The following GSE1 variants were observed in gnomAD, a reference collection of about 807,000 sequenced individuals.
GSE1 encodes the protein Gse1 coiled-coil protein, also known as genetic suppressor element 1.
GSE1 carries 32 observed loss-of-function variants against 112.6 expected under a neutral mutation model. The ratio of observed to expected loss-of-function variants is 0.28; its 90% CI spans 0.21 to 0.38. The LOEUF is 0.38. GSE1 is among the 10% of genes least tolerant of loss of function. The pLI is 1.00. For synonymous variants in GSE1, 1,115 were observed against 735.6 expected, an observed-to-expected ratio of 1.52 and a Z score of -8.35; for missense variants, 2,348 against 1,699.2, an observed-to-expected ratio of 1.38 and a Z score of -6.71.
chr16:85,606,883 C>T (rs954784788), upstream of GSE1, among the ~76,000 whole-genome samples: 9 of 152,336 alleles, frequency 5.9e-5, no homozygotes, highest in African/African-American at 1.7e-4. Flanking sequence ...ATCAAGGGTC[C>T]GAGCGCTGCT....
intron 2 of GSE1, among the ~76,000 whole-genome samples, chr16:85,360,771 C>T (rs1414829721): frequency 6.6e-6 from 1 of 151,950 alleles, no homozygotes; most frequent in Non-Finnish European, 1.5e-5. Flanking sequence ...CGGGTGCACG[C>T]GTAAGTCAGA....
intron 2 of GSE1, among the ~76,000 whole-genome samples, chr16:85,638,402 C>A (rs1360594091): frequency 3.3e-5 from 5 of 152,220 alleles, no homozygotes. Flanking sequence ...AACCTACTCA[C>A]CTACTCACTG....
exon 1 of GSE1, chr16:85,170,871 G>T (rs990891358): frequency 3.1e-5 from 31 of 985,434 alleles, no homozygotes; most frequent in Non-Finnish European, 3.7e-5. Context: ...GACTCTATGT[G>T]GTGCCCCTGG....
In GSE1 at chr16:85,647,601, G is replaced by A. The variant is rs553305216; in HGVS notation, c.227-951G>A. On this transcript the variant is annotated intron_variant, in intron 2 of 15. Coordinates refer to ENST00000253458, the MANE Select transcript of GSE1 (RefSeq NM_014615.5). ...AGGGGTGCTGACCACTTCTTTTTTT[G>A]TTTTGAGACGAAGTCTCGCTCTGTC... Among the ~76,000 whole-genome samples, 5 of 152,098 alleles carry A rather than the reference G, an allele frequency of 3.3e-5. No homozygotes were observed. In the Middle Eastern group the frequency reaches 0.014, roughly 414 times the overall value.
At chr16:85,352,005 A>T (rs942654294) in intron 1 of GSE1, among the ~76,000 whole-genome samples, 7 of 67,634 alleles carry the variant, frequency 1.0e-4, no homozygotes, top group African/African-American at 6.0e-4. Flanking sequence ...AAAAACAAAC[A>T]AAAAAAAAAC....
intron 2 of GSE1, among the ~76,000 whole-genome samples, chr16:85,648,158 T>G (rs570367815): frequency 8.0e-4 from 122 of 151,994 alleles, no homozygotes; most frequent in African/African-American, 2.9e-3. Flanking sequence ...GTTCTCTAAC[T>G]CTGGGGCTCC....
At chr16:85,234,325 G>C (rs1379803558) in intron 1 of GSE1, among the ~76,000 whole-genome samples, 1 of 152,058 alleles carries the variant, frequency 6.6e-6, no homozygotes, top group African/African-American at 2.4e-5. Flanking sequence ...GGCCTCTCTG[G>C]GCTCCACCAT....
intron 1 of GSE1, among the ~76,000 whole-genome samples, chr16:85,236,747 G>T (rs1024176263): frequency 6.6e-6 from 1 of 152,130 alleles, no homozygotes; most frequent in African/African-American, 2.4e-5. Flanking sequence ...CTCCAGCCTG[G>T]GTAGAGTGCC....
At position 85,300,667 on chromosome 16, in the gene GSE1, G is replaced by A. The variant is rs72807769; in HGVS notation, c.2284-56796G>A. ...ATAGTCCATGGAGTGGTCCGACCAC[G>A]TTTTGTGTGTCCTTTCGTCTGCCAG... On this transcript the variant is annotated intron_variant, in intron 1 of 2. Transcript: ENST00000637419. 5.7e-3 allele frequency among the ~76,000 whole-genome samples: 871 copies of A among 152,328 alleles called. 5 individuals are homozygous for A. Among genetic ancestry groups the A allele is most frequent in the Middle Eastern group, 0.017 (5 of 294 alleles).
At chr16:85,380,509 A>C (rs970117885) in intron 2 of GSE1, among the ~76,000 whole-genome samples, 64 of 151,482 alleles carry the variant, frequency 4.2e-4, no homozygotes, top group Middle Eastern at 3.4e-3. Context: ...GTGGGAGGAC[A>C]CCCCCCCTCC....
chr16:85,600,556 T>C (rs1181646099), intron 1 of GSE1, among the ~76,000 whole-genome samples: 2 of 148,016 alleles, frequency 1.4e-5, no homozygotes, highest in Non-Finnish European at 2.9e-5. Flanking sequence ...GGGAGCCTTG[T>C]TAAAAAACAC....
chr16:85,394,843 C>T (rs2047931065), intron 2 of GSE1, among the ~76,000 whole-genome samples: 1 of 152,184 alleles, frequency 6.6e-6, no homozygotes, highest in African/African-American at 2.4e-5. Flanking sequence ...GCCCTGGCTC[C>T]TTGGGCACAC....
chr16:85,501,214 G>A (rs1471053013), intron 2 of GSE1, among the ~76,000 whole-genome samples: 6 of 151,948 alleles, frequency 3.9e-5, no homozygotes, highest in South Asian at 2.1e-4. Flanking sequence ...GTGTTAGCCA[G>A]GATAGTCTCA....
chr16:85,662,606 G>A, intron 9 of GSE1: 1 of 204,908 alleles, frequency 4.9e-6, no homozygotes, highest in East Asian at 1.3e-4. Context: ...CTCCTCCCAG[G>A]AGATGGACTC....
chr16:85,302,865 G>C (rs995820771), intron 1 of GSE1, among the ~76,000 whole-genome samples: 1 of 152,236 alleles, frequency 6.6e-6, no homozygotes, highest in South Asian at 2.1e-4. Context: ...CTTCAGTGGC[G>C]TGATGCAGCC....
chr16:85,514,681 C>G (rs2051867893), intron 2 of GSE1, among the ~76,000 whole-genome samples: 1 of 152,212 alleles, frequency 6.6e-6, no homozygotes, highest in African/African-American at 2.4e-5. Context: ...CCAGAAACCT[C>G]TCATTCCAGG....
intron 1 of GSE1, among the ~76,000 whole-genome samples, chr16:85,602,872 G>GC (rs774896550): frequency 2.0e-4 from 30 of 152,240 alleles, no homozygotes; most frequent in Non-Finnish European, 4.1e-4. Flanking sequence ...CCCCGCAGGG[G>GC]CCCACACACT....
At chr16:85,317,289 T>C (rs11861661) in intron 1 of GSE1, among the ~76,000 whole-genome samples, 112 of 152,238 alleles carry the variant, frequency 7.4e-4, no homozygotes, top group African/African-American at 2.5e-3. Context: ...ACAGCAGGCA[T>C]GCATCCCTCT....
At chr16:85,555,344 CCTCT>C (rs1201355256), upstream of GSE1, 13 of 985,036 alleles carry the variant, frequency 1.3e-5, no homozygotes, top group South Asian at 4.7e-5. Context: ...CCTTCCACCC[CCTCT>C]CTCTGAGTCA....
Sources: allele counts gnomAD v4.1 joint callset (sites outside exome capture counted in the v4.1 genomes callset), GRCh38; gene constraint gnomAD v4.1.1; transcripts MANE v1.5; gene names NCBI Gene and HGNC (gene_info 2026-07-23, HGNC 2026-07-21).